Variants in SLC39A12 observed in about 807,000 individuals in gnomAD.
SLC39A12 encodes zinc transporter ZIP12.
A neutral mutation model predicts 71.1 loss-of-function variants in SLC39A12; 63 were observed. The observed-to-expected ratio is 0.89, with a 90% CI of 0.72 to 1.09. The LOEUF (loss-of-function observed/expected upper bound fraction) is 1.09, where lower values mean the gene tolerates loss of function less well. Among genes scored for constraint, SLC39A12 ranks in the 50% least tolerant of loss-of-function variants. The pLI is 0.00. For missense variants in SLC39A12, 892 were observed against 812.6 expected, an observed-to-expected ratio of 1.10 and a Z score of -1.19; for synonymous variants, 351 against 301.3, an observed-to-expected ratio of 1.16 and a Z score of -1.71.
intron 12 of SLC39A12, among the ~76,000 whole-genome samples, chr10:18,039,162 C>G (rs772999799): frequency 6.6e-6 from 1 of 152,110 alleles, no homozygotes; most frequent in Non-Finnish European, 1.5e-5. Flanking sequence ...ATGGGATATG[C>G]TGTTAATTCA....
chr10:18,036,746 T>TTATATATG (rs1837036983), intron 12 of SLC39A12, among the ~76,000 whole-genome samples: 1 of 37,496 alleles, frequency 2.7e-5, no homozygotes. Flanking sequence ...ATTTTAAAAA[T>TTATATATG]TATATATATA....
At position 17,977,907 on chromosome 10, in the gene SLC39A12, G is replaced by C; in HGVS notation, c.757G>C (p.Asp253His). The C allele has an allele frequency of 2.5e-6, 4 of 1,585,124 alleles. No individual in the cohort carries two copies. The highest frequency in any genetic ancestry group is 3.4e-6 in the Non-Finnish European group (4 of 1,170,266). Residue 253 changes from aspartate (D) to histidine (H), a missense_variant, in exon 5 of 13, where the codon GAC (aspartate) becomes CAC (histidine). By Grantham distance (81) the Asp-to-His change is moderately conservative. Coordinates refer to ENST00000377369, the MANE Select transcript of SLC39A12 (RefSeq NM_001145195.2). ...RTNTLRLSELDQLLNTLWTRS... is the reference protein window; with the variant it reads ...RTNTLRLSELHQLLNTLWTRS... ...ATTTTATATGAAATTTCTAGAACTAGACCAACTCCTCAACACTCTCTGGAC... is the reference window on the plus strand; with the variant it reads ...ATTTTATATGAAATTTCTAGAACTACACCAACTCCTCAACACTCTCTGGAC...
At chr10:17,961,256 C>G (rs189183925) in intron 2 of SLC39A12, among the ~76,000 whole-genome samples, 17 of 152,224 alleles carry the variant, frequency 1.1e-4, no homozygotes, top group African/African-American at 4.1e-4. Context: ...AAGAAGATTG[C>G]AAGGAATTCG....
chr10:17,994,495 C>T (rs1327725889), intron 9 of SLC39A12, among the ~76,000 whole-genome samples: 1 of 152,006 alleles, frequency 6.6e-6, no homozygotes, highest in African/African-American at 2.4e-5. Context: ...CATAATGTGA[C>T]AATAAATAGC....
intron 4 of SLC39A12, among the ~76,000 whole-genome samples, chr10:17,969,480 G>A (rs79530331): frequency 0.014 from 2,092 of 152,084 alleles, 45 homozygotes; most frequent in African/African-American, 0.044. Context: ...GCTATAACCC[G>A]TTTTAACAGG....
intron 4 of SLC39A12, among the ~76,000 whole-genome samples, chr10:17,972,184 G>A (rs1228458437): frequency 6.6e-6 from 1 of 152,040 alleles, no homozygotes; most frequent in Non-Finnish European, 1.5e-5. Flanking sequence ...TTTCATTGTG[G>A]TCAGAGAAGA....
intron 2 of SLC39A12, among the ~76,000 whole-genome samples, chr10:17,959,765 A>G (rs782161724): frequency 6.6e-6 from 1 of 152,172 alleles, no homozygotes; most frequent in Non-Finnish European, 1.5e-5. Context: ...CTGTCCCACA[A>G]CATTTATCCG....
At chr10:17,985,303 A>G (rs2130815685) in intron 6 of SLC39A12, among the ~76,000 whole-genome samples, 1 of 152,346 alleles carries the variant, frequency 6.6e-6, no homozygotes, top group Non-Finnish European at 1.5e-5. Context: ...AGATTGTGCC[A>G]CAGCACTCCA....
intron 12 of SLC39A12, chr10:18,007,393 G>A (rs1380759075): frequency 1.3e-5 from 2 of 152,282 alleles, no homozygotes; most frequent in Admixed American, 6.5e-5. Context: ...TTGTAGCTGT[G>A]TTCCTTCTCT....
At chr10:18,035,976 G>T (rs1836996341) in intron 12 of SLC39A12, among the ~76,000 whole-genome samples, 1 of 152,160 alleles carries the variant, frequency 6.6e-6, no homozygotes, top group South Asian at 2.1e-4. Context: ...CAGGGGTCAG[G>T]GACCCACTTG....
At chr10:18,001,826 T>C (rs1424644310) in intron 11 of SLC39A12, 8 of 152,218 alleles carry the variant, frequency 5.3e-5, no homozygotes, top group Admixed American at 4.6e-4. Flanking sequence ...TTACAAACTA[T>C]CCAATTATAC....
At chr10:17,973,197 A>G (rs1053137768) in intron 4 of SLC39A12, among the ~76,000 whole-genome samples, 1 of 152,076 alleles carries the variant, frequency 6.6e-6, no homozygotes, top group Non-Finnish European at 1.5e-5. Context: ...TGTGCTGTCT[A>G]TGTCTTGAAG....
At chr10:17,995,544 T>C in intron 9 of SLC39A12, 112 bp from the exon 10 acceptor site, 1 of 880,218 alleles carries the variant, frequency 1.1e-6, no homozygotes, top group Admixed American at 2.5e-5. Context: ...AATATACATC[T>C]AGAGTACTAA....
At chr10:18,019,762 G>C (rs1351946076) in intron 12 of SLC39A12, among the ~76,000 whole-genome samples, 3 of 152,052 alleles carry the variant, frequency 2.0e-5, no homozygotes, top group Non-Finnish European at 4.4e-5. Flanking sequence ...TATGATCTAA[G>C]AATAGAAGTT....
At chr10:18,010,578 C>T (rs1043517485) in intron 12 of SLC39A12, 3 of 152,020 alleles carry the variant, frequency 2.0e-5, no homozygotes, top group African/African-American at 7.2e-5. Flanking sequence ...TCAGTCAAAC[C>T]CCACACTTAG....
At chr10:18,026,246 C>G (rs1005726216) in intron 12 of SLC39A12, among the ~76,000 whole-genome samples, 1 of 152,128 alleles carries the variant, frequency 6.6e-6, no homozygotes, top group Non-Finnish European at 1.5e-5. Flanking sequence ...CTACTGGCAA[C>G]AAACAAATTC....
intron 5 of SLC39A12, among the ~76,000 whole-genome samples, chr10:17,979,572 A>G (rs971091916): frequency 1.3e-5 from 2 of 152,212 alleles, no homozygotes; most frequent in Non-Finnish European, 2.9e-5. Flanking sequence ...TTCTGTCAAT[A>G]ACAAGTGGTG....
chr10:17,998,241 C>A (rs1589238852), intron 10 of SLC39A12, among the ~76,000 whole-genome samples: 1 of 152,104 alleles, frequency 6.6e-6, no homozygotes. Context: ...CATTTAGAAA[C>A]CCATGATCAG....
intron 6 of SLC39A12, among the ~76,000 whole-genome samples, chr10:17,983,753 G>T (rs1481440141): frequency 6.6e-6 from 1 of 152,106 alleles, no homozygotes; most frequent in African/African-American, 2.4e-5. Flanking sequence ...TTGCACTCCA[G>T]CCTGGGCGAC....
Sources: allele counts gnomAD v4.1 joint callset (sites outside exome capture counted in the v4.1 genomes callset), GRCh38; gene constraint gnomAD v4.1.1; transcripts MANE v1.5; gene names NCBI Gene and HGNC (gene_info 2026-07-23, HGNC 2026-07-21).